Variants in ALMS1 observed in about 807,000 individuals in gnomAD.
The protein encoded by ALMS1 is centrosome-associated protein ALMS1.
Under a neutral mutation model 352.2 loss-of-function variants are expected in ALMS1, and 271 were observed. That is an observed-to-expected ratio of 0.77 (90% CI 0.70 to 0.85). The LOEUF (loss-of-function observed/expected upper bound fraction) is 0.85. Among genes scored for constraint, ALMS1 ranks in the 40% least tolerant of loss-of-function variants. ALMS1 has a pLI of 0.00. For missense variants in ALMS1, 5,445 were observed against 4,870.7 expected (o/e 1.12, Z -3.51); for synonymous variants, 1,865 against 1,761.2 (o/e 1.06, Z -1.48).
In ALMS1 at chr2:73,424,682, T is replaced by C. The variant is rs915566618; in HGVS notation, c.1017T>C (p.Tyr339=). The C allele has an allele frequency of 5.0e-6, 8 of 1,614,028 alleles. No homozygotes were observed. In the South Asian group the frequency reaches 7.7e-5, roughly 16 times the overall value. The stretch of plus-strand genomic sequence containing the variant: ...AAATTCCCAAAGACTGTGATCGTTA[T>C]GATGATCTTTGTTCATATATGTCAT... ...ELKIPKDCDR[Y]DDLCSYMSWK... The change falls in exon 5 of 23, where the codon TAT becomes TAC. Residue 339 remains tyrosine (Y), a synonymous_variant. Coordinates refer to ENST00000613296, the MANE Select transcript of ALMS1 (RefSeq NM_001378454.1).
intron 9 of ALMS1, among the ~76,000 whole-genome samples, chr2:73,466,880 G>T (rs927040491): frequency 6.6e-6 from 1 of 152,046 alleles, no homozygotes; most frequent in African/African-American, 2.4e-5. Context: ...CTGCATAAAT[G>T]GAGTTAATTT....
At chr2:73,509,170 ACAG>A (rs1235557241) in intron 10 of ALMS1, among the ~76,000 whole-genome samples, 1 of 152,098 alleles carries the variant, frequency 6.6e-6, no homozygotes, top group African/African-American at 2.4e-5. Flanking sequence ...TCTCCTGAAT[ACAG>A]CACACCAATG....
intron 9 of ALMS1, among the ~76,000 whole-genome samples, chr2:73,487,002 A>G (rs1672862829): frequency 6.6e-6 from 1 of 152,174 alleles, no homozygotes. Flanking sequence ...CTTCAGTGAT[A>G]GTGCCACAGC....
intron 17 of ALMS1, 75 bp from the exon 18 acceptor site, chr2:73,600,603 A>T: frequency 5.2e-6 from 7 of 1,351,856 alleles, no homozygotes; most frequent in African/African-American, 1.5e-5. Flanking sequence ...AAAAGGGTTC[A>T]CGTACTCACT....
intron 10 of ALMS1, among the ~76,000 whole-genome samples, chr2:73,516,512 A>G (rs571182006): frequency 1.3e-5 from 2 of 152,352 alleles, no homozygotes; most frequent in African/African-American, 2.4e-5. Flanking sequence ...TATTATTGCT[A>G]TTCACAATAG....
chr2:73,601,780 T>C (rs1573054859), intron 19 of ALMS1, among the ~76,000 whole-genome samples: 3 of 152,382 alleles, frequency 2.0e-5, no homozygotes, highest in East Asian at 3.9e-4. Context: ...TCCATGTCCG[T>C]AGCTCCTGTT....
intron 11 of ALMS1, among the ~76,000 whole-genome samples, chr2:73,524,077 C>G (rs1673741056): frequency 6.6e-6 from 1 of 152,060 alleles, no homozygotes; most frequent in Non-Finnish European, 1.5e-5. Flanking sequence ...TGACCTAATG[C>G]AGGAAACACT....
In ALMS1 at chr2:73,490,919, T is replaced by C. The variant is rs1465260699; in HGVS notation, c.8960T>C (p.Leu2987Pro). The change falls in exon 10 of 23, where the codon CTT (leucine) becomes CCT (proline). Residue 2987 changes from leucine to proline, a missense_variant. Coordinates refer to ENST00000613296, the MANE Select transcript of ALMS1 (RefSeq NM_001378454.1). Reference protein sequence around the residue: ...DDQMNKHHFPLPQGQDCVVEK... With the variant: ...DDQMNKHHFPPPQGQDCVVEK... ...CAAATGAATAAACACCATTTTCCCC[T>C]TCCTCAAGGTCAGGATTGTGTAGTG... 6.8e-6 allele frequency: 11 copies of C among 1,614,188 alleles called. No homozygotes were observed. In the South Asian group the frequency reaches 1.1e-4, roughly 16 times the overall value.
At chr2:73,423,020 T>C (rs1184631279) in intron 4 of ALMS1, 46 bp downstream of exon 4, 4 of 1,504,826 alleles carry the variant, frequency 2.7e-6, no homozygotes, top group East Asian at 2.3e-5. Flanking sequence ...TCTTGTTCTA[T>C]GTTTTTACTA....
chr2:73,518,466 C>G (rs1673604686), intron 10 of ALMS1, among the ~76,000 whole-genome samples: 1 of 152,042 alleles, frequency 6.6e-6, no homozygotes, highest in Admixed American at 6.6e-5. Flanking sequence ...ACATATATTT[C>G]TTTGGGTATG....
chr2:73,404,024 C>G (rs1402320446), intron 1 of ALMS1, among the ~76,000 whole-genome samples: 2 of 152,114 alleles, frequency 1.3e-5, no homozygotes, highest in Non-Finnish European at 1.5e-5. Context: ...CTCAGCTTCG[C>G]AAATAGCTAG....
At chr2:73,525,342 A>G (rs917237693) in intron 11 of ALMS1, among the ~76,000 whole-genome samples, 1 of 152,188 alleles carries the variant, frequency 6.6e-6, no homozygotes, top group Non-Finnish European at 1.5e-5. Flanking sequence ...TTTTTGAGGA[A>G]TCTACAAACT....
chr2:73,585,727 T>A (rs112819155), intron 16 of ALMS1, among the ~76,000 whole-genome samples: 1 of 52,846 alleles, frequency 1.9e-5, no homozygotes, highest in Admixed American at 1.5e-4. Flanking sequence ...CTTCTTGGCC[T>A]TTTTTTTTTT....
At chr2:73,546,530 A>G (rs1157879430) in intron 12 of ALMS1, among the ~76,000 whole-genome samples, 7 of 152,248 alleles carry the variant, frequency 4.6e-5, no homozygotes, top group Admixed American at 1.3e-4. Context: ...GTTGACAGAT[A>G]TTAAACAAAT....
In ALMS1 at chr2:73,570,997, T is replaced by C. The variant is rs1159570613; in HGVS notation, c.10385-1265T>C. Among the ~76,000 whole-genome samples, 8 of 152,338 alleles carry C rather than the reference T, an allele frequency of 5.3e-5. No homozygotes were observed. In the East Asian group the frequency reaches 1.5e-3, roughly 29 times the overall value. ...TGTTTTTGTTCTTTGTAGCCCCTAATTTAGAATTATATATTTGTTTGCATT... is the reference window on the plus strand; with the variant it reads ...TGTTTTTGTTCTTTGTAGCCCCTAACTTAGAATTATATATTTGTTTGCATT... On this transcript the variant is annotated intron_variant, in intron 15 of 22. Transcript: ENST00000613296.
chr2:73,550,985 G>A (rs1468494718), intron 13 of ALMS1, among the ~76,000 whole-genome samples: 2 of 151,998 alleles, frequency 1.3e-5, no homozygotes, highest in East Asian at 3.9e-4. Context: ...GGGGCCAGAG[G>A]CACACACCAC....
rs1179012380 is a variant in ALMS1 at position 73,385,963 on chromosome 2, C to G, written c.95C>G (p.Ala32Gly). 2.0e-6 allele frequency: 3 copies of G among 1,466,942 alleles called. No homozygotes were observed. The South Asian group carries it at 3.7e-5, about 18-fold the overall frequency. The allele number at this position is 1,466,942 out of a possible 1,614,324, so 90.9% of individuals were successfully genotyped here. A position where few individuals can be genotyped will look rare whatever the true frequency, so the allele number is the denominator to read the frequency against. Residue 32 changes from alanine (A) to glycine (G), a missense_variant, in exon 1 of 23, where the codon GCG (alanine) becomes GGG (glycine). By Grantham distance (60) the Ala-to-Gly change is moderately conservative. Transcript: ENST00000613296. ...GAGGAAGAGGAGGAGGCTGCAGCGG[C>G]GGCGGCGGCGAACGTGGACGACGTA... ...EEEEEEEAAA[A>G]AAANVDDVVV...
intron 9 of ALMS1, among the ~76,000 whole-genome samples, chr2:73,474,230 T>G (rs1186990149): frequency 6.6e-6 from 1 of 152,116 alleles, no homozygotes. Context: ...TGTGGTAATT[T>G]ATATATTTAA....
chr2:73,582,817 A>G (rs981714503), intron 16 of ALMS1, among the ~76,000 whole-genome samples: 5 of 152,212 alleles, frequency 3.3e-5, no homozygotes, highest in South Asian at 2.1e-4. Flanking sequence ...AGCTATGGTA[A>G]ATAGTGCTGC....
Sources: allele counts gnomAD v4.1 joint callset (sites outside exome capture counted in the v4.1 genomes callset), GRCh38; gene constraint gnomAD v4.1.1; transcripts MANE v1.5; gene names NCBI Gene and HGNC (gene_info 2026-07-23, HGNC 2026-07-21).